Variants in KCNAB1 observed in about 807,000 individuals in gnomAD.
KCNAB1 encodes voltage-gated potassium channel subunit beta-1.
Under a neutral mutation model 64.6 loss-of-function variants are expected in KCNAB1, and 35 were observed. The ratio of observed to expected loss-of-function variants is 0.54; its 90% confidence interval spans 0.41 to 0.72. KCNAB1 has a LOEUF of 0.72. Ranked by LOEUF, KCNAB1 falls within the 30% of genes least tolerant of loss-of-function variation. KCNAB1 has a pLI of 0.00. For missense variants in KCNAB1, 401 were observed against 512.9 expected (o/e 0.78, Z 2.11); for synonymous variants, 177 against 183.8 (o/e 0.96, Z 0.30).
chr3:156,151,618 C>T (rs1263061746), intron 1 of KCNAB1, among the ~76,000 whole-genome samples: 1 of 152,202 alleles, frequency 6.6e-6, no homozygotes, highest in Non-Finnish European at 1.5e-5. Flanking sequence ...CTCACATGCT[C>T]ACTCCTTACA....
intron 1 of KCNAB1, among the ~76,000 whole-genome samples, chr3:156,378,743 C>T (rs1388706105): frequency 6.6e-6 from 1 of 152,138 alleles, no homozygotes; most frequent in Non-Finnish European, 1.5e-5. Flanking sequence ...AACATAGTGC[C>T]TGGGTTGATA....
At chr3:156,500,873 T>G (rs1716351886) in intron 8 of KCNAB1, among the ~76,000 whole-genome samples, 1 of 152,182 alleles carries the variant, frequency 6.6e-6, no homozygotes, top group African/African-American at 2.4e-5. Flanking sequence ...CTTTGAAAAT[T>G]TTCTAGGTCA....
At chr3:156,248,776 T>C (rs1441351034) in intron 1 of KCNAB1, among the ~76,000 whole-genome samples, 3 of 152,174 alleles carry the variant, frequency 2.0e-5, no homozygotes, top group Non-Finnish European at 4.4e-5. Context: ...CCCAGCAAGA[T>C]AGTATTTTCC....
Position 156,121,111 on chromosome 3 carries a change from A to G in KCNAB1, c.275+225A>G, listed in dbSNP as rs1488425. Among the ~76,000 whole-genome samples the G allele has an allele frequency of 0.52, 79,702 of 152,030 alleles. 22,476 individuals carry two copies. The highest frequency in any genetic ancestry group is 0.7 in the East Asian group (3,639 of 5,168). ...CAGAAAAGACCTCTTACAAGGAGGC[A>G]GTAGATGCTTAGGAGCTGACAGGAC... On this transcript the variant is annotated intron_variant, in intron 1 of 13. Transcript: ENST00000490337.
At chr3:156,384,500 G>C (rs151300507) in intron 1 of KCNAB1, among the ~76,000 whole-genome samples, 1 of 152,302 alleles carries the variant, frequency 6.6e-6, no homozygotes, top group Admixed American at 6.5e-5. Flanking sequence ...TTGGAGAAAT[G>C]TACCAAAGGA....
intron 1 of KCNAB1, among the ~76,000 whole-genome samples, chr3:156,305,027 A>G (rs1721400120): frequency 1.3e-5 from 2 of 151,922 alleles, no homozygotes; most frequent in Admixed American, 1.3e-4. Flanking sequence ...AGCATGGCAT[A>G]CTAGCTAAAG....
intron 1 of KCNAB1, among the ~76,000 whole-genome samples, chr3:156,353,079 C>T (rs2108088713): frequency 6.6e-6 from 1 of 152,360 alleles, no homozygotes. Context: ...AAGGAGAGAA[C>T]TCTGCTATAA....
At chr3:156,223,505 G>C (rs923193455) in intron 1 of KCNAB1, among the ~76,000 whole-genome samples, 3 of 152,166 alleles carry the variant, frequency 2.0e-5, no homozygotes, top group Non-Finnish European at 4.4e-5. Context: ...GTCCCCACTA[G>C]ATTAGCTAGA....
At chr3:156,191,017 T>C (rs1309717337) in intron 1 of KCNAB1, among the ~76,000 whole-genome samples, 3 of 151,782 alleles carry the variant, frequency 2.0e-5, no homozygotes, top group Non-Finnish European at 4.4e-5. Context: ...CAAGACAGAG[T>C]GGTAATATAA....
intron 8 of KCNAB1, among the ~76,000 whole-genome samples, chr3:156,511,028 A>T (rs1279275828): frequency 6.6e-6 from 1 of 152,234 alleles, no homozygotes; most frequent in African/African-American, 2.4e-5. Context: ...AAATGTATAT[A>T]CACCTCTGGC....
chr3:156,372,033 G>A (rs1402798422), intron 1 of KCNAB1, among the ~76,000 whole-genome samples: 3 of 152,138 alleles, frequency 2.0e-5, no homozygotes, highest in Non-Finnish European at 4.4e-5. Flanking sequence ...GAGACCACAT[G>A]TGCAGTTACA....
At chr3:156,529,708 T>C (rs1363959304) in intron 12 of KCNAB1, among the ~76,000 whole-genome samples, 1 of 152,226 alleles carries the variant, frequency 6.6e-6, no homozygotes, top group Non-Finnish European at 1.5e-5. Context: ...AATAATCAAC[T>C]GGACTTAGCA....
chr3:156,198,946 T>TTTTTTTG (rs1714145787), intron 1 of KCNAB1, among the ~76,000 whole-genome samples: 1 of 127,612 alleles, frequency 7.8e-6, no homozygotes, highest in Non-Finnish European at 1.7e-5. Context: ...TTTTTTTTAG[T>TTTTTTTG]GGCTGCTACC....
chr3:156,250,088 C>G (rs114160995), intron 1 of KCNAB1, among the ~76,000 whole-genome samples: 2,445 of 152,208 alleles, frequency 0.016, 52 homozygotes, highest in Non-Finnish European at 0.019. Context: ...AGATCTTTTT[C>G]TAAATTGGAG....
At chr3:156,243,510 G>A (rs1206289066) in intron 1 of KCNAB1, among the ~76,000 whole-genome samples, 1 of 152,238 alleles carries the variant, frequency 6.6e-6, no homozygotes, top group Admixed American at 6.5e-5. Context: ...TTATAGGCAT[G>A]AGCCACCACG....
chr3:156,300,674 C>T (rs1306000504), intron 1 of KCNAB1, among the ~76,000 whole-genome samples: 2 of 151,754 alleles, frequency 1.3e-5, no homozygotes, highest in African/African-American at 4.8e-5. Context: ...TTCTGTAAAA[C>T]ATTAAAAAAA....
intron 1 of KCNAB1, among the ~76,000 whole-genome samples, chr3:156,188,158 C>T (rs1440337771): frequency 6.6e-6 from 1 of 151,142 alleles, no homozygotes; most frequent in African/African-American, 2.4e-5. Flanking sequence ...TTGGATAAGT[C>T]TTTTCCCAGC....
At chr3:156,172,346 C>A (rs1177451736) in intron 1 of KCNAB1, among the ~76,000 whole-genome samples, 2 of 148,648 alleles carry the variant, frequency 1.3e-5, no homozygotes, top group African/African-American at 5.0e-5. Flanking sequence ...ATGGTGCAAT[C>A]TGAGCTCACT....
chr3:156,275,506 C>T (rs1316064585), intron 1 of KCNAB1, among the ~76,000 whole-genome samples: 1 of 152,096 alleles, frequency 6.6e-6, no homozygotes, highest in East Asian at 1.9e-4. Context: ...TTCTCTATAG[C>T]AAGCAATGCT....
Sources: allele counts gnomAD v4.1 joint callset (sites outside exome capture counted in the v4.1 genomes callset), GRCh38; gene constraint gnomAD v4.1.1; transcripts MANE v1.5; gene names NCBI Gene and HGNC (gene_info 2026-07-23, HGNC 2026-07-21).